SLX4IP: variants seen among roughly 807,000 people sequenced by gnomAD.
SLX4IP encodes SLX4 interacting protein, also known as protein SLX4IP.
Under a neutral mutation model 32.9 loss-of-function variants are expected in SLX4IP, and 34 were observed. The observed-to-expected ratio is 1.03, with a 90% CI of 0.79 to 1.38. The LOEUF (loss-of-function observed/expected upper bound fraction) is 1.38, where lower values mean the gene tolerates loss of function less well. Among genes scored for constraint, SLX4IP ranks in the 40% most tolerant of loss-of-function variants. SLX4IP has a pLI of 0.00. For synonymous variants in SLX4IP, 172 were observed against 171.7 expected, an observed-to-expected ratio of 1.00 and a Z score of -0.01; for missense variants, 444 against 479.0, an observed-to-expected ratio of 0.93 and a Z score of 0.68.
chr20:10,498,810 GAAAATCCTCT>G (rs1243423369), intron 2 of SLX4IP, among the ~76,000 whole-genome samples: 1 of 148,310 alleles, frequency 6.7e-6, no homozygotes. Context: ...AATTCTTTTT[GAAAATCCTCT>G]AATTTTTAAA....
chr20:10,614,353 C>T, intron 6 of SLX4IP: 1 of 567,554 alleles, frequency 1.8e-6, no homozygotes, highest in Non-Finnish European at 3.1e-6. Flanking sequence ...ATTGCCTTCA[C>T]ATGACGTTTT....
At chr20:10,604,590 T>C (rs1208060318) in intron 6 of SLX4IP, among the ~76,000 whole-genome samples, 1 of 152,182 alleles carries the variant, frequency 6.6e-6, no homozygotes, top group South Asian at 2.1e-4. Context: ...AAGGGAGTAA[T>C]CCCCCTCCTT....
intron 2 of SLX4IP, among the ~76,000 whole-genome samples, chr20:10,484,063 T>C (rs1440754283): frequency 6.6e-6 from 1 of 152,170 alleles, no homozygotes; most frequent in Non-Finnish European, 1.5e-5. Flanking sequence ...CATAAAAATA[T>C]ACACATTTAC....
chr20:10,625,274 A>C lies in SLX4IP; in HGVS notation c.*1895A>C, dbSNP rs2067159849. On this transcript the variant is annotated 3_prime_UTR_variant, in exon 8 of 8. Coordinates refer to ENST00000334534, the MANE Select transcript of SLX4IP (RefSeq NM_001009608.3). Reference sequence around the variant, plus strand: ...CACTGAATCTTCTTAAACAGAAGCAATTAGAACGATTTAGATATAGGGAGG... The same window carrying C: ...CACTGAATCTTCTTAAACAGAAGCACTTAGAACGATTTAGATATAGGGAGG... 1 of 152,208 alleles carries C rather than the reference A, an allele frequency of 6.6e-6. No homozygotes were observed. Among genetic ancestry groups the C allele is most frequent in the Non-Finnish European group, 1.5e-5 (1 of 68,044 alleles). 9.4% of individuals were successfully genotyped at this position (152,208 alleles called of 1,614,324 possible).
chr20:10,440,064 C>CT (rs1404560603), intron 1 of SLX4IP, among the ~76,000 whole-genome samples: 1 of 151,554 alleles, frequency 6.6e-6, no homozygotes, highest in East Asian at 1.9e-4. Flanking sequence ...TAGAATATGG[C>CT]TATTACAATA....
At chr20:10,498,790 T>A (rs560387143) in intron 2 of SLX4IP, among the ~76,000 whole-genome samples, 1 of 152,028 alleles carries the variant, frequency 6.6e-6, no homozygotes, top group East Asian at 1.9e-4. Flanking sequence ...ATTTTTAATA[T>A]CCATATTAAA....
At chr20:10,528,803 G>T (rs1196661633) in intron 2 of SLX4IP, among the ~76,000 whole-genome samples, 1 of 152,138 alleles carries the variant, frequency 6.6e-6, no homozygotes, top group Non-Finnish European at 1.5e-5. Flanking sequence ...ATTTCCCTGG[G>T]CTCAACATAC....
chr20:10,484,773 T>C (rs1397215635), intron 2 of SLX4IP, among the ~76,000 whole-genome samples: 2 of 152,166 alleles, frequency 1.3e-5, no homozygotes, highest in Admixed American at 1.3e-4. Flanking sequence ...ATGAAAAAGA[T>C]AGCTAGTAAC....
chr20:10,577,919 G>T (rs966415787), intron 4 of SLX4IP, among the ~76,000 whole-genome samples: 1 of 152,130 alleles, frequency 6.6e-6, no homozygotes, highest in East Asian at 1.9e-4. Context: ...CAGTGTGGTG[G>T]AATAATTATA....
At chr20:10,615,175 C>G (rs1161501500) in intron 6 of SLX4IP, among the ~76,000 whole-genome samples, 1 of 152,090 alleles carries the variant, frequency 6.6e-6, no homozygotes, top group East Asian at 1.9e-4. Context: ...TGGAGAAGTG[C>G]CAATGCAGCC....
intron 3 of SLX4IP, among the ~76,000 whole-genome samples, chr20:10,558,351 A>G (rs1377370315): frequency 1.3e-5 from 2 of 150,480 alleles, no homozygotes; most frequent in East Asian, 3.9e-4. Context: ...CAAAAAAAAA[A>G]AAAAAAAAAA....
intron 2 of SLX4IP, among the ~76,000 whole-genome samples, chr20:10,544,078 G>A (rs1401699977): frequency 2.6e-5 from 4 of 152,178 alleles, no homozygotes; most frequent in Admixed American, 6.5e-5. Flanking sequence ...CCCAGTGGTC[G>A]AGCCAGGCTC....
intron 2 of SLX4IP, among the ~76,000 whole-genome samples, chr20:10,512,442 G>T (rs1004695462): frequency 6.6e-6 from 1 of 150,926 alleles, no homozygotes; most frequent in Non-Finnish European, 1.5e-5. Context: ...GATGGGTTTT[G>T]CTCTGTCAAC....
At chr20:10,529,480 A>G (rs1457123245) in intron 2 of SLX4IP, among the ~76,000 whole-genome samples, 1 of 151,542 alleles carries the variant, frequency 6.6e-6, no homozygotes, top group Non-Finnish European at 1.5e-5. Context: ...AATCTCAGCT[A>G]CTTGGAAGGC....
At position 10,571,759 on chromosome 20, in the gene SLX4IP, T is replaced by C. The variant is rs549591424; in HGVS notation, c.238+10939T>C. ...GGAGAAATAAATGAATTGTTACGGC[T>C]CACAGGTCCCATTTTCTTTGCTGAG... On this transcript the variant is annotated intron_variant, in intron 4 of 7. Transcript: ENST00000334534. Among the ~76,000 whole-genome samples, 6 of 152,296 alleles carry C rather than the reference T, an allele frequency of 3.9e-5. No individual in the cohort carries two copies. The South Asian group carries it at 1.0e-3, about 26-fold the overall frequency.
intron 2 of SLX4IP, among the ~76,000 whole-genome samples, chr20:10,509,334 C>G (rs943993174): frequency 9.9e-5 from 15 of 152,172 alleles, no homozygotes; most frequent in African/African-American, 3.4e-4. Context: ...AAACTAAAGC[C>G]CTGAATGGAA....
In SLX4IP at chr20:10,441,044, C is replaced by T. The variant is rs150121823; in HGVS notation, c.-30+5591C>T. On this transcript the variant is annotated intron_variant, in intron 1 of 7. Transcript: ENST00000334534. ...GTTGAATAGCCTGTCTCAGGTCATA[C>T]GAAGAGTCAGAATTTGAAGGGATGT... Among the ~76,000 whole-genome samples the T allele has an allele frequency of 5.6e-3, 859 of 152,170 alleles. 5 individuals carry two copies. Among genetic ancestry groups the T allele is most frequent in the African/African-American group, 0.019 (788 of 41,492 alleles).
chr20:10,621,756 C>T (rs7270295), intron 7 of SLX4IP, among the ~76,000 whole-genome samples: 10,743 of 152,064 alleles, frequency 0.071, 614 homozygotes, highest in South Asian at 0.24. Flanking sequence ...AATATAATTA[C>T]GATAATCCTC....
At chr20:10,496,487 A>G (rs2065668837) in intron 2 of SLX4IP, among the ~76,000 whole-genome samples, 1 of 152,182 alleles carries the variant, frequency 6.6e-6, no homozygotes, top group Admixed American at 6.6e-5. Flanking sequence ...TTCTTGCACG[A>G]AACAAAACCT....
Sources: gnomAD v4.1 joint callset for allele counts (sites outside exome capture counted in the v4.1 genomes callset) on GRCh38, gnomAD v4.1.1 for gene constraint, MANE v1.5 for transcripts, NCBI Gene and HGNC (gene_info 2026-07-23, HGNC 2026-07-21) for gene names.